IL23R: variants seen among roughly 807,000 people sequenced by gnomAD.
IL23R encodes interleukin-23 receptor.
A neutral mutation model predicts 56.9 loss-of-function variants in IL23R; 34 were observed. That is an observed-to-expected ratio of 0.60 (90% CI 0.45 to 0.80). The LOEUF is 0.80. Ranked by LOEUF, IL23R falls within the 30% of genes least tolerant of loss-of-function variation. IL23R has a pLI of 0.00. For missense variants in IL23R, 635 were observed against 730.0 expected, an observed-to-expected ratio of 0.87 and a Z score of 1.50; for synonymous variants, 230 against 249.2, an observed-to-expected ratio of 0.92 and a Z score of 0.73.
chr1:67,151,369 A>G (rs936277404), intron 1 of IL23R, among the ~76,000 whole-genome samples: 7 of 152,132 alleles, frequency 4.6e-5, no homozygotes, highest in African/African-American at 1.7e-4. Context: ...AGATGGGTAG[A>G]TTGCAAAAAT....
chr1:67,225,946 A>T (rs1650588809), intron 7 of IL23R, among the ~76,000 whole-genome samples: 2 of 152,266 alleles, frequency 1.3e-5, no homozygotes, highest in Non-Finnish European at 2.9e-5. Context: ...ATAAAAGACA[A>T]CATAGGGAAT....
At chr1:67,186,320 C>G (rs1164383826) in intron 4 of IL23R, among the ~76,000 whole-genome samples, 3 of 152,148 alleles carry the variant, frequency 2.0e-5, no homozygotes, top group African/African-American at 7.2e-5. Context: ...TTAATTCATT[C>G]TTTCTTTTAT....
At chr1:67,238,630 A>G (rs1484677184) in intron 8 of IL23R, among the ~76,000 whole-genome samples, 1 of 152,172 alleles carries the variant, frequency 6.6e-6, no homozygotes, top group Non-Finnish European at 1.5e-5. Flanking sequence ...AGAGCTGATA[A>G]GAGGCAGAGT....
At chr1:67,158,727 A>T (rs147335959) in intron 1 of IL23R, among the ~76,000 whole-genome samples, 1 of 152,120 alleles carries the variant, frequency 6.6e-6, no homozygotes, top group Non-Finnish European at 1.5e-5. Flanking sequence ...TCTTACCTCA[A>T]AAGTAGATAA....
At chr1:67,143,326 A>AT in intron 1 of IL23R, among the ~76,000 whole-genome samples, 1 of 152,318 alleles carries the variant, frequency 6.6e-6, no homozygotes, top group South Asian at 2.1e-4. Context: ...AAAGGGTACT[A>AT]TTGTCTTATT....
intron 1 of IL23R, among the ~76,000 whole-genome samples, chr1:67,141,367 C>A (rs1411334734): frequency 3.9e-5 from 6 of 152,024 alleles, no homozygotes; most frequent in African/African-American, 1.5e-4. Flanking sequence ...AACACTTCAA[C>A]ATGGCCAAAA....
chr1:67,257,154 C>A (rs1476786303), intron 10 of IL23R, among the ~76,000 whole-genome samples: 1 of 152,166 alleles, frequency 6.6e-6, no homozygotes, highest in Non-Finnish European at 1.5e-5. Flanking sequence ...ATTCTGGGCT[C>A]CTGGAATTAG....
At chr1:67,193,576 A>G (rs1570819065) in intron 4 of IL23R, among the ~76,000 whole-genome samples, 1 of 152,210 alleles carries the variant, frequency 6.6e-6, no homozygotes, top group African/African-American at 2.4e-5. Flanking sequence ...AAAAATATGA[A>G]TTATACTAAC....
intron 7 of IL23R, among the ~76,000 whole-genome samples, chr1:67,235,748 T>A (rs1450645906): frequency 2.0e-5 from 3 of 152,164 alleles, no homozygotes; most frequent in Admixed American, 1.3e-4. Context: ...TCATTGGAAA[T>A]GTAGGACACT....
chr1:67,170,430 C>A (rs930825802), intron 3 of IL23R, among the ~76,000 whole-genome samples: 2 of 151,904 alleles, frequency 1.3e-5, no homozygotes, highest in African/African-American at 4.8e-5. Context: ...TTCTTAAAAC[C>A]CACCTTGAAG....
chr1:67,150,097 C>A (rs1646714639), intron 1 of IL23R, among the ~76,000 whole-genome samples: 1 of 152,096 alleles, frequency 6.6e-6, no homozygotes, highest in African/African-American at 2.4e-5. Flanking sequence ...TATCTAATTT[C>A]TTGGTAATCC....
At chr1:67,174,528 A>T (rs560946165) in intron 3 of IL23R, among the ~76,000 whole-genome samples, 1 of 152,066 alleles carries the variant, frequency 6.6e-6, no homozygotes, top group East Asian at 1.9e-4. Context: ...CTGTATTTTC[A>T]TTCTTTATGA....
In IL23R at chr1:67,174,108, G is replaced by A. The variant is rs572454684; in HGVS notation, c.367+4470G>A. 9.2e-5 allele frequency among the ~76,000 whole-genome samples: 14 copies of A among 152,152 alleles called. No homozygotes were observed. The East Asian group carries it at 2.7e-3, about 29-fold the overall frequency. On this transcript the variant is annotated intron_variant, in intron 3 of 10. Transcript: ENST00000347310. ...ATTTTTTCATTGTTATGAACAATAA[G>A]GGAACATCCTTTAAGCCAAATATTT...
chr1:67,198,699 C>A (rs1000415185), intron 4 of IL23R, among the ~76,000 whole-genome samples: 2 of 152,218 alleles, frequency 1.3e-5, no homozygotes. Flanking sequence ...AATCCCAGCA[C>A]TTTGGGAGGC....
At chr1:67,222,574 A>G (rs1477593707) in intron 7 of IL23R, among the ~76,000 whole-genome samples, 2 of 152,092 alleles carry the variant, frequency 1.3e-5, no homozygotes, top group Non-Finnish European at 2.9e-5. Flanking sequence ...GAACTCTATA[A>G]CTGCCTAGCA....
At chr1:67,139,958 A>G (rs1646620666) in intron 1 of IL23R, among the ~76,000 whole-genome samples, 1 of 152,158 alleles carries the variant, frequency 6.6e-6, no homozygotes, top group Admixed American at 6.5e-5. Context: ...TGGTTTTATA[A>G]GAAAAGGAAG....
chr1:67,237,199 C>T (rs7539482), intron 8 of IL23R, among the ~76,000 whole-genome samples: 130,127 of 152,126 alleles, frequency 0.86, 55,886 homozygotes, highest in East Asian at 0.99. Flanking sequence ...TCCGCCATCA[C>T]GCCCAGCTAA....
intron 3 of IL23R, among the ~76,000 whole-genome samples, chr1:67,180,239 T>C (rs71583792): frequency 6.6e-6 from 1 of 152,186 alleles, no homozygotes; most frequent in East Asian, 1.9e-4. Flanking sequence ...CCCATTATTA[T>C]TGTGTGGGGA....
At chr1:67,211,132 G>A (rs1230195481) in intron 6 of IL23R, among the ~76,000 whole-genome samples, 1 of 152,142 alleles carries the variant, frequency 6.6e-6, no homozygotes, top group Non-Finnish European at 1.5e-5. Flanking sequence ...TGGGATCCAC[G>A]TTCTGCATCA....
Sources: allele counts gnomAD v4.1 joint callset (sites outside exome capture counted in the v4.1 genomes callset), GRCh38; gene constraint gnomAD v4.1.1; transcripts MANE v1.5; gene names NCBI Gene and HGNC (gene_info 2026-07-23, HGNC 2026-07-21).